The following KCNT2 variants were observed in gnomAD, a reference collection of about 807,000 sequenced individuals.
The protein encoded by KCNT2 is potassium channel subfamily T member 2.
KCNT2 carries 67 observed loss-of-function variants against 153.8 expected under a neutral mutation model. That is an observed-to-expected ratio of 0.44 (90% CI 0.36 to 0.53). The LOEUF (loss-of-function observed/expected upper bound fraction) is 0.53, where lower values mean the gene tolerates loss of function less well. KCNT2 is among the 20% of genes least tolerant of loss of function. The pLI, the probability that KCNT2 is intolerant of heterozygous loss-of-function variation, is 0.00. For missense variants in KCNT2, 975 were observed against 1,354.8 expected (o/e 0.72, Z 4.40); for synonymous variants, 500 against 458.8 (o/e 1.09, Z -1.15).
At chr1:196,364,978 A>G (rs1485083202) in intron 14 of KCNT2, among the ~76,000 whole-genome samples, 2 of 152,072 alleles carry the variant, frequency 1.3e-5, no homozygotes, top group African/African-American at 2.4e-5. Flanking sequence ...TACTTTTAAT[A>G]TATTTATAAA....
At chr1:196,323,523 C>T (rs1663537445) in intron 19 of KCNT2, among the ~76,000 whole-genome samples, 1 of 151,814 alleles carries the variant, frequency 6.6e-6, no homozygotes, top group Non-Finnish European at 1.5e-5. Context: ...TCTAATGAAC[C>T]AGTACCAACT....
intron 16 of KCNT2, among the ~76,000 whole-genome samples, chr1:196,337,392 GCAGC>G (rs1337943872): frequency 6.6e-6 from 1 of 152,058 alleles, no homozygotes; most frequent in Non-Finnish European, 1.5e-5. Context: ...ATGTTCAACA[GCAGC>G]CTGAGTTGAG....
intron 21 of KCNT2, among the ~76,000 whole-genome samples, chr1:196,307,715 C>A (rs975073134): frequency 6.6e-6 from 1 of 152,042 alleles, no homozygotes; most frequent in East Asian, 1.9e-4. Flanking sequence ...ACATGATTTT[C>A]TTTTAGCAGC....
chr1:196,596,351 T>C (rs1375420337), intron 1 of KCNT2, among the ~76,000 whole-genome samples: 1 of 152,106 alleles, frequency 6.6e-6, no homozygotes, highest in Non-Finnish European at 1.5e-5. Flanking sequence ...CCACCAGCAA[T>C]GTAAATGTGT....
chr1:196,255,968 T>A (rs1159345519), intron 26 of KCNT2, among the ~76,000 whole-genome samples: 2 of 151,962 alleles, frequency 1.3e-5, no homozygotes, highest in Admixed American at 6.6e-5. Flanking sequence ...TGCATGTTAA[T>A]CACTCTGGGC....
rs1161575849 is a variant in KCNT2 at position 196,425,931 on chromosome 1, G to A, written c.1042C>T (p.Leu348=). 1 of 1,612,248 alleles carries A rather than the reference G, an allele frequency of 6.2e-7. No homozygotes were observed. Among genetic ancestry groups the A allele is most frequent in the Non-Finnish European group, 8.5e-7 (1 of 1,178,792 alleles). ...CGTTGGGACCACATTGGAATCTGCA[G>A]TACCCTTCGAACCTGTACATCCATT... ...TEMDVQVRRV[L]QIPMWSQRVI... The change falls in exon 11 of 28, where the codon CTG becomes TTG. Residue 348 remains leucine, a synonymous_variant. Coordinates refer to ENST00000294725, the MANE Select transcript of KCNT2 (RefSeq NM_198503.5).
rs545082054 is a variant in KCNT2, at chr1:196,585,942, T to C, written c.95+22273A>G. Among the ~76,000 whole-genome samples, 268 of 152,216 alleles carry C rather than the reference T, an allele frequency of 1.8e-3. 2 individuals carry two copies. The highest frequency in any genetic ancestry group is 0.011 in the South Asian group (52 of 4,824). On this transcript the variant is annotated intron_variant, in intron 1 of 27. Coordinates refer to ENST00000294725, the MANE Select transcript of KCNT2 (RefSeq NM_198503.5). ...ATTAAATGCACATAAATCTCAACTC[T>C]ATTGAACTCTTAATTATATAATTAG...
At position 196,390,210 on chromosome 1, in the gene KCNT2, T is replaced by A. The variant is rs570540813; in HGVS notation, c.1294+8353A>T. Among the ~76,000 whole-genome samples the A allele has an allele frequency of 1.8e-3, 267 of 151,704 alleles. 2 individuals are homozygous for A. The highest frequency in any genetic ancestry group is 0.01 in the Middle Eastern group (3 of 294). On this transcript the variant is annotated intron_variant, in intron 13 of 27. Coordinates refer to ENST00000294725, the MANE Select transcript of KCNT2 (RefSeq NM_198503.5). ...TAGGTTATATTGTCACTTTTCTAAG[T>A]GGATCTTTTAAATCGTATATTCTGT...
intron 14 of KCNT2, among the ~76,000 whole-genome samples, chr1:196,368,731 A>G (rs563699374): frequency 6.6e-6 from 1 of 152,246 alleles, no homozygotes; most frequent in South Asian, 2.1e-4. Flanking sequence ...GAATTAATAA[A>G]TTCCTAGAAA....
At chr1:196,232,705 T>C (rs891753250) in intron 27 of KCNT2, among the ~76,000 whole-genome samples, 5 of 151,508 alleles carry the variant, frequency 3.3e-5, no homozygotes, top group African/African-American at 1.2e-4. Context: ...CCTGTCCACA[T>C]TGTGACATAC....
chr1:196,595,548 C>A (rs184918214), intron 1 of KCNT2, among the ~76,000 whole-genome samples: 1 of 152,034 alleles, frequency 6.6e-6, no homozygotes, highest in African/African-American at 2.4e-5. Context: ...AATGACATAA[C>A]GTTTGCACAT....
intron 12 of KCNT2, among the ~76,000 whole-genome samples, chr1:196,409,325 C>A (rs1324907402): frequency 6.6e-6 from 1 of 151,290 alleles, no homozygotes; most frequent in Non-Finnish European, 1.5e-5. Flanking sequence ...TTTTCAAAAT[C>A]TTTATTAACG....
At chr1:196,581,142 G>GC (rs1204194761) in intron 1 of KCNT2, among the ~76,000 whole-genome samples, 1 of 151,668 alleles carries the variant, frequency 6.6e-6, no homozygotes, top group Non-Finnish European at 1.5e-5. Context: ...CATTCTTTTA[G>GC]CATTTTTACC....
In KCNT2 at chr1:196,445,874, A is replaced by T. The variant is rs979563436; in HGVS notation, c.639-16117T>A. 4.0e-5 allele frequency among the ~76,000 whole-genome samples: 6 copies of T among 151,434 alleles called. No individual in the cohort carries two copies. The South Asian group carries it at 1.2e-3, about 31-fold the overall frequency. The stretch of plus-strand genomic sequence containing the variant: ...TTGCTTATAAGCTAGTATCAAATAC[A>T]TCAGTATCTTTACAGAATGGCCTCT... On this transcript the variant is annotated intron_variant, in intron 8 of 27. Transcript: ENST00000294725.
At chr1:196,332,181 A>G (rs2148108395) in intron 17 of KCNT2, among the ~76,000 whole-genome samples, 1 of 152,314 alleles carries the variant, frequency 6.6e-6, no homozygotes, top group African/African-American at 2.4e-5. Context: ...TTCGTTGGCT[A>G]AGAGATAAAA....
intron 3 of KCNT2, among the ~76,000 whole-genome samples, chr1:196,485,303 G>A (rs942956718): frequency 2.6e-5 from 4 of 151,930 alleles, no homozygotes; most frequent in Non-Finnish European, 5.9e-5. Flanking sequence ...TTGGGGATTG[G>A]GGGGCGAGGG....
Position 196,256,548 on chromosome 1 carries a change from T to G in KCNT2, c.3211+1646A>C, listed in dbSNP as rs556149644. ...AAAAAAATATTAGCAATTTAGTGAC[T>G]TAAATTTTTAAATATTTTTCAACAT... On this transcript the variant is annotated intron_variant, in intron 26 of 27. Transcript: ENST00000294725. Among the ~76,000 whole-genome samples, 9 of 149,866 alleles carry G rather than the reference T, an allele frequency of 6.0e-5. No homozygotes were observed. The South Asian group carries it at 1.9e-3, about 32-fold the overall frequency.
intron 8 of KCNT2, among the ~76,000 whole-genome samples, chr1:196,438,286 C>T (rs550299740): frequency 9.0e-4 from 136 of 151,764 alleles, no homozygotes; most frequent in African/African-American, 1.8e-3. Flanking sequence ...TTACTGCTAA[C>T]GATAGAGTCA....
At chr1:196,440,119 T>G (rs745773555) in intron 8 of KCNT2, among the ~76,000 whole-genome samples, 1 of 152,018 alleles carries the variant, frequency 6.6e-6, no homozygotes, top group Non-Finnish European at 1.5e-5. Context: ...CTGTCTACCC[T>G]TGAGGTAATG....
Sources: allele counts gnomAD v4.1 joint callset (sites outside exome capture counted in the v4.1 genomes callset), GRCh38; gene constraint gnomAD v4.1.1; transcripts MANE v1.5; gene names NCBI Gene and HGNC (gene_info 2026-07-23, HGNC 2026-07-21).